Variants in TAFA4 observed in about 807,000 individuals in gnomAD.
TAFA4 encodes the protein TAFA chemokine like family member 4.
In TAFA4, 20 loss-of-function variants were observed where a neutral mutation model predicts 21.1. That is an observed-to-expected ratio of 0.95 (90% CI 0.67 to 1.38). The LOEUF (loss-of-function observed/expected upper bound fraction) is 1.38. Ranked by LOEUF, TAFA4 falls within the 40% of genes most tolerant of loss-of-function variation. TAFA4 has a pLI of 0.00. For synonymous variants in TAFA4, 71 were observed against 67.4 expected (o/e 1.05, Z -0.26); for missense variants, 211 against 180.9 (o/e 1.17, Z -0.95).
intron 4 of TAFA4, 152 bp from the exon 5 acceptor site, chr3:68,739,351 C>A: frequency 1.1e-6 from 1 of 894,936 alleles, no homozygotes; most frequent in Non-Finnish European, 1.6e-6. Flanking sequence ...GGCATATACT[C>A]TACAAAATAT....
Position 68,775,705 on chromosome 3 carries a change from C to T in TAFA4, c.131-22687G>A, listed in dbSNP as rs141173997. Among the ~76,000 whole-genome samples, 36 of 152,234 alleles carry T rather than the reference C, an allele frequency of 2.4e-4. 1 individual carries two copies. In the East Asian group the frequency reaches 6.8e-3, roughly 29 times the overall value. ...GACCACAAGTAGCAACACTCCAGAG[C>T]TGAAGGCAAGGGAAGGCTGTGGGGA... On this transcript the variant is annotated intron_variant, in intron 3 of 5. Transcript: ENST00000295569.
chr3:68,737,835 C>T (rs2106725903), intron 5 of TAFA4, among the ~76,000 whole-genome samples: 1 of 152,230 alleles, frequency 6.6e-6, no homozygotes, highest in East Asian at 1.9e-4. Context: ...GTATGTACTT[C>T]CTAAGGGATC....
intron 3 of TAFA4, among the ~76,000 whole-genome samples, chr3:68,824,221 T>C (rs1227215277): frequency 6.6e-6 from 1 of 152,230 alleles, no homozygotes; most frequent in African/African-American, 2.4e-5. Flanking sequence ...ACAAATTTAG[T>C]GGCTTAAAAA....
At chr3:68,885,151 A>G in intron 2 of TAFA4, 24 bp downstream of exon 2, 4 of 1,610,916 alleles carry the variant, frequency 2.5e-6, no homozygotes, top group Non-Finnish European at 3.4e-6. Flanking sequence ...TATCATGTCC[A>G]GGTGAACGTT....
At chr3:68,882,574 G>A (rs964627250) in intron 2 of TAFA4, among the ~76,000 whole-genome samples, 3 of 152,172 alleles carry the variant, frequency 2.0e-5, no homozygotes, top group Admixed American at 6.5e-5. Context: ...TGATCCTTGG[G>A]TAAGAGGAAT....
chr3:68,818,977 T>C (rs1478874982), intron 3 of TAFA4, among the ~76,000 whole-genome samples: 2 of 152,130 alleles, frequency 1.3e-5, no homozygotes, highest in East Asian at 1.9e-4. Flanking sequence ...TTTGTAAAAA[T>C]TGCAATATTT....
rs192997314 is a variant in TAFA4, at chr3:68,925,175, C to A, written c.-123+7065G>T. The stretch of plus-strand genomic sequence containing the variant: ...GAGCCCATGGTAACCAATTTTATGG[C>A]TCTTTTGATTTGGGTCCATGGATAT... On this transcript the variant is annotated intron_variant, in intron 1 of 5. Coordinates refer to ENST00000295569, the MANE Select transcript of TAFA4 (RefSeq NM_182522.5). Among the ~76,000 whole-genome samples the A allele has an allele frequency of 4.2e-4, 64 of 152,150 alleles. No homozygotes were observed. The Middle Eastern group carries it at 0.014, about 32-fold the overall frequency.
At chr3:68,810,700 G>A (rs904418053) in intron 3 of TAFA4, among the ~76,000 whole-genome samples, 14 of 152,298 alleles carry the variant, frequency 9.2e-5, no homozygotes, top group South Asian at 6.2e-4. Context: ...GGAGCCCACC[G>A]CAGCTCAAGG....
intron 3 of TAFA4, among the ~76,000 whole-genome samples, chr3:68,786,484 C>T (rs1703264501): frequency 6.6e-6 from 1 of 152,108 alleles, no homozygotes; most frequent in African/African-American, 2.4e-5. Flanking sequence ...TAGTGAGACT[C>T]CACCCCTTCA....
intron 1 of TAFA4, among the ~76,000 whole-genome samples, chr3:68,917,455 C>A (rs1242368454): frequency 1.3e-5 from 2 of 152,020 alleles, no homozygotes; most frequent in African/African-American, 4.8e-5. Context: ...GTGGAACAGA[C>A]TGAAAGTTCC....
intron 3 of TAFA4, among the ~76,000 whole-genome samples, chr3:68,786,916 GGAA>G (rs1443875896): frequency 6.6e-6 from 1 of 152,122 alleles, no homozygotes; most frequent in Non-Finnish European, 1.5e-5. Context: ...ATGTATTTGT[GGAA>G]GAAGGTTTTT....
intron 3 of TAFA4, among the ~76,000 whole-genome samples, chr3:68,867,827 C>CAA (rs1028938688): frequency 1.3e-5 from 2 of 151,708 alleles, no homozygotes; most frequent in Non-Finnish European, 2.9e-5. Flanking sequence ...CCCTGCGAGG[C>CAA]AAAAACCTAT....
At chr3:68,839,385 C>G (rs1303095139) in intron 3 of TAFA4, among the ~76,000 whole-genome samples, 2 of 152,008 alleles carry the variant, frequency 1.3e-5, no homozygotes, top group East Asian at 3.9e-4. Flanking sequence ...AGTGTTAACA[C>G]CATTTGAGCA....
chr3:68,747,031 C>T (rs375345590), intron 4 of TAFA4, among the ~76,000 whole-genome samples: 6 of 152,188 alleles, frequency 3.9e-5, no homozygotes, highest in East Asian at 1.9e-4. Flanking sequence ...GGGGCAAAAT[C>T]GCCCCTGGTT....
At chr3:68,849,234 C>T (rs778084779) in intron 3 of TAFA4, among the ~76,000 whole-genome samples, 1 of 152,108 alleles carries the variant, frequency 6.6e-6, no homozygotes, top group Admixed American at 6.5e-5. Context: ...TATTTAAGAT[C>T]GACACAAATT....
chr3:68,844,856 A>C (rs1704747992), intron 3 of TAFA4, among the ~76,000 whole-genome samples: 1 of 152,140 alleles, frequency 6.6e-6, no homozygotes, highest in East Asian at 1.9e-4. Context: ...CCTGAGTTCT[A>C]ATTTGATTGC....
intron 3 of TAFA4, among the ~76,000 whole-genome samples, chr3:68,870,775 C>T (rs1313361699): frequency 6.6e-6 from 1 of 151,988 alleles, no homozygotes; most frequent in Non-Finnish European, 1.5e-5. Flanking sequence ...TGATGTTTCC[C>T]TTCCTGTATC....
intron 4 of TAFA4, among the ~76,000 whole-genome samples, chr3:68,751,414 G>T (rs568348433): frequency 3.5e-4 from 53 of 152,272 alleles, no homozygotes; most frequent in Non-Finnish European, 6.0e-4. Flanking sequence ...CGTAGCAGTG[G>T]GGATGGAGAA....
At chr3:68,873,165 C>A (rs1351347345) in intron 3 of TAFA4, among the ~76,000 whole-genome samples, 1 of 152,006 alleles carries the variant, frequency 6.6e-6, no homozygotes, top group Non-Finnish European at 1.5e-5. Flanking sequence ...ACCTATGAGG[C>A]ATGCATCAGG....
Sources: allele counts gnomAD v4.1 joint callset (sites outside exome capture counted in the v4.1 genomes callset), GRCh38; gene constraint gnomAD v4.1.1; transcripts MANE v1.5; gene names NCBI Gene and HGNC (gene_info 2026-07-23, HGNC 2026-07-21).